RBMS3: variants seen among roughly 807,000 people sequenced by gnomAD.
RBMS3 encodes RNA-binding motif, single-stranded-interacting protein 3.
Under a neutral mutation model 66.8 loss-of-function variants are expected in RBMS3, and 27 were observed. The ratio of observed to expected loss-of-function variants is 0.40; its 90% confidence interval spans 0.30 to 0.56. The LOEUF is 0.56. Among genes scored for constraint, RBMS3 ranks in the 20% least tolerant of loss-of-function variants. RBMS3 has a pLI of 0.40. For synonymous variants in RBMS3, 188 were observed against 183.0 expected (o/e 1.03, Z -0.22); for missense variants, 513 against 549.5 (o/e 0.93, Z 0.66).
intron 12 of RBMS3, among the ~76,000 whole-genome samples, chr3:29,946,553 C>T (rs777499300): frequency 6.6e-6 from 1 of 151,482 alleles, no homozygotes; most frequent in Non-Finnish European, 1.5e-5. Flanking sequence ...AATATTAGAC[C>T]ATTATAACAT....
At chr3:29,789,589 CAT>C (rs1236445210) in intron 6 of RBMS3, among the ~76,000 whole-genome samples, 1 of 152,006 alleles carries the variant, frequency 6.6e-6, no homozygotes, top group Non-Finnish European at 1.5e-5. Flanking sequence ...CTAGTCAAAT[CAT>C]GTGTTATTAA....
At chr3:29,349,151 C>T (rs184409970) in intron 1 of RBMS3, among the ~76,000 whole-genome samples, 1 of 152,280 alleles carries the variant, frequency 6.6e-6, no homozygotes, top group East Asian at 1.9e-4. Flanking sequence ...ACATCTGTGA[C>T]ATTGATGATA....
chr3:29,566,779 C>T (rs2046759229), intron 3 of RBMS3, among the ~76,000 whole-genome samples: 2 of 151,826 alleles, frequency 1.3e-5, no homozygotes, highest in African/African-American at 4.8e-5. Context: ...CAAAGAGGTA[C>T]AAATGGAATT....
chr3:29,651,075 A>T (rs1258966792), intron 4 of RBMS3, among the ~76,000 whole-genome samples: 2 of 152,178 alleles, frequency 1.3e-5, no homozygotes, highest in East Asian at 3.8e-4. Flanking sequence ...TATCAAACCA[A>T]TAGGCCATCA....
chr3:29,991,584 T>C (rs984444133), intron 14 of RBMS3: 5 of 175,106 alleles, frequency 2.9e-5, no homozygotes, highest in Non-Finnish European at 6.0e-5. Flanking sequence ...GTACAAGCAC[T>C]CTTAATTCTG....
intron 2 of RBMS3, among the ~76,000 whole-genome samples, chr3:29,483,585 T>C (rs2043219435): frequency 6.6e-6 from 1 of 152,218 alleles, no homozygotes; most frequent in Non-Finnish European, 1.5e-5. Context: ...CCGTTAAACA[T>C]GGAGAACCAC....
intron 5 of RBMS3, among the ~76,000 whole-genome samples, chr3:29,758,762 T>C (rs956359862): frequency 6.6e-6 from 1 of 152,216 alleles, no homozygotes; most frequent in African/African-American, 2.4e-5. Context: ...TAATTTGTTT[T>C]TGAAATGTCA....
At chr3:29,978,409 C>G (rs1256309122) in intron 12 of RBMS3, among the ~76,000 whole-genome samples, 1 of 151,934 alleles carries the variant, frequency 6.6e-6, no homozygotes, top group Non-Finnish European at 1.5e-5. Flanking sequence ...TCTTAATTTT[C>G]AAACAAGTAT....
intron 4 of RBMS3, among the ~76,000 whole-genome samples, chr3:29,656,484 C>G (rs766981261): frequency 8.5e-5 from 13 of 152,172 alleles, no homozygotes; most frequent in Non-Finnish European, 1.3e-4. Flanking sequence ...TCTAAGTACA[C>G]TCTGTGATGT....
intron 6 of RBMS3, among the ~76,000 whole-genome samples, chr3:29,782,997 T>TA (rs1048160845): frequency 2.6e-5 from 4 of 151,728 alleles, no homozygotes; most frequent in Non-Finnish European, 2.9e-5. Flanking sequence ...AAAAAGAATT[T>TA]AAAAAAAAGA....
chr3:29,900,040 A>C (rs1389651586), intron 10 of RBMS3, among the ~76,000 whole-genome samples: 2 of 151,748 alleles, frequency 1.3e-5, no homozygotes, highest in African/African-American at 4.8e-5. Context: ...AATAGCAATC[A>C]ACCATTCAAG....
intron 7 of RBMS3, among the ~76,000 whole-genome samples, chr3:29,872,725 G>C (rs1282276823): frequency 6.6e-6 from 1 of 152,182 alleles, no homozygotes; most frequent in Admixed American, 6.5e-5. Context: ...GGAGCATCAT[G>C]ATCCAGCAAG....
At chr3:29,978,999 G>T (rs145645056) in intron 12 of RBMS3, among the ~76,000 whole-genome samples, 245 of 152,156 alleles carry the variant, frequency 1.6e-3, no homozygotes, top group African/African-American at 5.2e-3. Context: ...AGGCATGGTG[G>T]TGCATGCATG....
chr3:29,665,666 C>T (rs78161582), intron 4 of RBMS3, among the ~76,000 whole-genome samples: 2,845 of 152,100 alleles, frequency 0.019, 42 homozygotes, highest in African/African-American at 0.042. Flanking sequence ...TATAACTTAC[C>T]GAGAACTCAT....
intron 7 of RBMS3, among the ~76,000 whole-genome samples, chr3:29,878,929 T>G (rs2149570158): frequency 6.6e-6 from 1 of 152,210 alleles, no homozygotes; most frequent in South Asian, 2.1e-4. Flanking sequence ...ACACCAGTAG[T>G]CCCAGCTACT....
intron 10 of RBMS3, among the ~76,000 whole-genome samples, chr3:29,930,109 C>CTTTTCTTTT (rs1553702216): frequency 2.3e-5 from 1 of 43,556 alleles, no homozygotes; most frequent in Non-Finnish European, 5.2e-5. Context: ...TTCTTTCTTT[C>CTTTTCTTTT]TTTTTTTTTT....
intron 1 of RBMS3, among the ~76,000 whole-genome samples, chr3:29,381,857 T>C (rs1188241115): frequency 1.3e-5 from 2 of 152,198 alleles, no homozygotes; most frequent in East Asian, 3.9e-4. Flanking sequence ...GCATTCTGTG[T>C]TGGCTGTCGA....
At chr3:29,541,976 T>A (rs1164163509) in intron 3 of RBMS3, among the ~76,000 whole-genome samples, 1 of 152,194 alleles carries the variant, frequency 6.6e-6, no homozygotes, top group Admixed American at 6.5e-5. Context: ...AAGGATCAAA[T>A]CTTGTTCCAT....
At chr3:29,513,313 G>A (rs1432761289) in intron 3 of RBMS3, among the ~76,000 whole-genome samples, 2 of 152,044 alleles carry the variant, frequency 1.3e-5, no homozygotes, top group African/African-American at 2.4e-5. Context: ...TCTAAGCTAG[G>A]CTGCAGGAAT....
Sources: gnomAD v4.1 joint callset for allele counts (sites outside exome capture counted in the v4.1 genomes callset) on GRCh38, gnomAD v4.1.1 for gene constraint, MANE v1.5 for transcripts, NCBI Gene and HGNC (gene_info 2026-07-23, HGNC 2026-07-21) for gene names.